The following LIMS1 variants were observed in gnomAD, a reference collection of about 807,000 sequenced individuals.
The protein encoded by LIMS1 is LIM zinc finger domain containing 1.
Under a neutral mutation model 44.1 loss-of-function variants are expected in LIMS1, and 18 were observed. That is an observed-to-expected ratio of 0.41 (90% CI 0.28 to 0.61). The LOEUF is 0.61. Among genes scored for constraint, LIMS1 ranks in the 20% least tolerant of loss-of-function variants. The probability of loss-of-function intolerance (pLI) is 0.32; values close to 1 mark genes in which losing one functional copy is unlikely to be tolerated. For synonymous variants in LIMS1, 93 were observed against 149.1 expected, an observed-to-expected ratio of 0.62 and a Z score of 2.74; for missense variants, 201 against 422.0, an observed-to-expected ratio of 0.48 and a Z score of 4.59.
chr2:108,546,436 G>T (rs575590748), intron 1 of LIMS1, among the ~76,000 whole-genome samples: 1 of 151,838 alleles, frequency 6.6e-6, no homozygotes, highest in African/African-American at 2.4e-5. Flanking sequence ...TGTGAGCCAC[G>T]GTGCCTGGGC....
intron 1 of LIMS1, among the ~76,000 whole-genome samples, chr2:108,547,022 G>A (rs77605714): frequency 0.035 from 5,393 of 152,308 alleles, 329 homozygotes; most frequent in African/African-American, 0.12. Context: ...GAGGTAAGAA[G>A]AAGGGTTGAT....
chr2:108,674,160 T>C (rs1364359413), intron 5 of LIMS1, among the ~76,000 whole-genome samples: 3 of 150,904 alleles, frequency 2.0e-5, no homozygotes, highest in Non-Finnish European at 3.0e-5. Context: ...ACCCCGTCTC[T>C]ACTAAAAAAT....
chr2:108,594,882 C>A lies in LIMS1; in HGVS notation c.32+60288C>A, dbSNP rs528767960. Among the ~76,000 whole-genome samples, 77 of 151,362 alleles carry A rather than the reference C, an allele frequency of 5.1e-4. 1 individual carries two copies. Among genetic ancestry groups the A allele is most frequent in the Admixed American group, 1.6e-3 (24 of 15,218 alleles). On this transcript the variant is annotated intron_variant, in intron 1 of 9. Coordinates refer to ENST00000544547, the Ensembl canonical transcript of LIMS1. Reference sequence around the variant, plus strand: ...GACTACTGGCTACCAAAGTAGACAGCATAGCTCTAAAAAAAAGGTAGACAG... The same window carrying A: ...GACTACTGGCTACCAAAGTAGACAGAATAGCTCTAAAAAAAAGGTAGACAG...
chr2:108,615,085 A>T lies in LIMS1; in HGVS notation c.33-44520A>T, dbSNP rs1687858594. On this transcript the variant is annotated intron_variant, in intron 1 of 9. Transcript: ENST00000544547. ...AGATACGCTAGAATCTATAGCGTATAGTTGTATGTATAGTTGGTGGTCAGG... is the reference window on the plus strand; with the variant it reads ...AGATACGCTAGAATCTATAGCGTATTGTTGTATGTATAGTTGGTGGTCAGG... Among the ~76,000 whole-genome samples, 6 of 128,604 alleles carry T rather than the reference A, an allele frequency of 4.7e-5. No individual in the cohort carries two copies. The South Asian group carries it at 1.4e-3, about 30-fold the overall frequency. 84.4% of individuals were successfully genotyped at this position (128,604 alleles called of 152,430 possible). A position where few individuals can be genotyped will look rare whatever the true frequency, so the allele number is the denominator to read the frequency against.
chr2:108,631,276 A>G (rs1688906167), intron 1 of LIMS1, among the ~76,000 whole-genome samples: 1 of 152,186 alleles, frequency 6.6e-6, no homozygotes, highest in Non-Finnish European at 1.5e-5. Context: ...TTGCTGAGTG[A>G]GAGTGGGTGA....
chr2:108,673,594 G>T (rs1014136207), intron 5 of LIMS1: 4 of 161,614 alleles, frequency 2.5e-5, no homozygotes, highest in Non-Finnish European at 5.4e-5. Flanking sequence ...TTGCTGCGTT[G>T]CCCAGGCTGG....
At chr2:108,590,252 G>A (rs555260969) in intron 1 of LIMS1, among the ~76,000 whole-genome samples, 37 of 152,300 alleles carry the variant, frequency 2.4e-4, no homozygotes, top group African/African-American at 7.9e-4. Context: ...GTATGTACAC[G>A]TGTGTATATA....
intron 1 of LIMS1, among the ~76,000 whole-genome samples, chr2:108,535,247 A>G (rs1278426924): frequency 6.6e-6 from 1 of 152,246 alleles, no homozygotes; most frequent in Non-Finnish European, 1.5e-5. Context: ...TCTTACACAG[A>G]TGTGTAGTTG....
At chr2:108,623,217 GAT>G (rs746441947) in intron 1 of LIMS1, among the ~76,000 whole-genome samples, 1 of 151,094 alleles carries the variant, frequency 6.6e-6, no homozygotes, top group Non-Finnish European at 1.5e-5. Context: ...TTTATGCCTG[GAT>G]TTTTTTTTTA....
chr2:108,596,782 CA>C (rs1445809721), intron 1 of LIMS1, among the ~76,000 whole-genome samples: 1 of 151,886 alleles, frequency 6.6e-6, no homozygotes, highest in Non-Finnish European at 1.5e-5. Flanking sequence ...GAGATCACGC[CA>C]TTGCACAGCC....
chr2:108,552,162 A>G (rs1433612204), intron 1 of LIMS1, among the ~76,000 whole-genome samples: 1 of 145,666 alleles, frequency 6.9e-6, no homozygotes, highest in Non-Finnish European at 1.5e-5. Context: ...AGTTAAATAT[A>G]TAAATATAAA....
At chr2:108,559,726 G>A (rs1479533428) in intron 1 of LIMS1, among the ~76,000 whole-genome samples, 1 of 152,174 alleles carries the variant, frequency 6.6e-6, no homozygotes, top group Non-Finnish European at 1.5e-5. Context: ...ACATACATTT[G>A]TGGGAAGTGT....
At chr2:108,617,015 A>G (rs1417940132) in intron 1 of LIMS1, among the ~76,000 whole-genome samples, 1 of 152,236 alleles carries the variant, frequency 6.6e-6, no homozygotes. Flanking sequence ...GTTAGCTGCA[A>G]AACATAACAT....
rs530505799 is a variant in LIMS1, at chr2:108,562,837, A to G, written c.32+28243A>G. ...TGGGAGAAGATGCCATCTAGGACTCAAGGCTGGAGAGGGGAAGTGAATGCC... is the reference window on the plus strand; with the variant it reads ...TGGGAGAAGATGCCATCTAGGACTCGAGGCTGGAGAGGGGAAGTGAATGCC... On this transcript the variant is annotated intron_variant, in intron 1 of 9. Coordinates refer to ENST00000544547, the Ensembl canonical transcript of LIMS1. Among the ~76,000 whole-genome samples, 41 of 152,352 alleles carry G rather than the reference A, an allele frequency of 2.7e-4. No homozygotes were observed. In the South Asian group the frequency reaches 8.3e-3, roughly 31 times the overall value.
chr2:108,660,354 G>T (rs1409929760), intron 2 of LIMS1: 4 of 464,912 alleles, frequency 8.6e-6, no homozygotes, highest in Non-Finnish European at 1.8e-5. Flanking sequence ...TGATCCTCGG[G>T]TGTTAGCATA....
At chr2:108,552,305 GTATA>G (rs947698207) in intron 1 of LIMS1, among the ~76,000 whole-genome samples, 1 of 135,772 alleles carries the variant, frequency 7.4e-6, no homozygotes, top group African/African-American at 2.7e-5. Flanking sequence ...TATACGTGTA[GTATA>G]TATATGAAAC....
At chr2:108,679,671 C>A (rs904273500) in intron 8 of LIMS1, among the ~76,000 whole-genome samples, 1 of 151,896 alleles carries the variant, frequency 6.6e-6, no homozygotes, top group Non-Finnish European at 1.5e-5. Context: ...AATCCCAGCA[C>A]TTAAGGAGGC....
intron 1 of LIMS1, among the ~76,000 whole-genome samples, chr2:108,641,087 A>T (rs1270873422): frequency 1.3e-5 from 2 of 152,206 alleles, no homozygotes; most frequent in Non-Finnish European, 2.9e-5. Flanking sequence ...CCCCGGGCTC[A>T]TCATGATGCC....
At chr2:108,669,051 T>C (rs1271159237) in intron 2 of LIMS1, among the ~76,000 whole-genome samples, 5 of 151,792 alleles carry the variant, frequency 3.3e-5, no homozygotes, top group African/African-American at 1.2e-4. Context: ...CTGAACAACA[T>C]AGCAAGAACT....
Sources: gnomAD v4.1 joint callset for allele counts (sites outside exome capture counted in the v4.1 genomes callset) on GRCh38, gnomAD v4.1.1 for gene constraint, MANE v1.5 for transcripts, NCBI Gene and HGNC (gene_info 2026-07-23, HGNC 2026-07-21) for gene names.